The following KANK3 variants were observed in gnomAD, a reference collection of about 807,000 sequenced individuals.
KANK3 encodes KN motif and ankyrin repeat domain-containing protein 3.
A neutral mutation model predicts 65.4 loss-of-function variants in KANK3; 61 were observed. That is an observed-to-expected ratio of 0.93 (90% CI 0.76 to 1.15). The LOEUF is 1.15. Among genes scored for constraint, KANK3 ranks in the 50% most tolerant of loss-of-function variants. The probability of loss-of-function intolerance (pLI) is 0.00; values close to 1 mark genes in which losing one functional copy is unlikely to be tolerated. For synonymous variants in KANK3, 586 were observed against 543.3 expected (o/e 1.08, Z -1.09); for missense variants, 1,187 against 1,178.8 (o/e 1.01, Z -0.10).
At chr19:8,332,533 G>T (rs1970543927) in intron 7 of KANK3, among the ~76,000 whole-genome samples, 1 of 151,688 alleles carries the variant, frequency 6.6e-6, no homozygotes, top group African/African-American at 2.4e-5. Context: ...AACCCAAGGA[G>T]GTTGGCTGGG....
At chr19:8,328,860 T>TG (rs1568572201) in intron 7 of KANK3, among the ~76,000 whole-genome samples, 1 of 151,756 alleles carries the variant, frequency 6.6e-6, no homozygotes, top group East Asian at 1.9e-4. Context: ...GCAGGGATCA[T>TG]GGGGGAGGAT....
chr19:8,323,868 G>T (rs1215694805), intron 10 of KANK3, among the ~76,000 whole-genome samples: 1 of 152,218 alleles, frequency 6.6e-6, no homozygotes, highest in Non-Finnish European at 1.5e-5. Flanking sequence ...GTATAGTGGT[G>T]TTGGGGGTTA....
At chr19:8,326,507 G>T (rs1468183189) in intron 7 of KANK3, among the ~76,000 whole-genome samples, 1 of 125,230 alleles carries the variant, frequency 8.0e-6, no homozygotes, top group Non-Finnish European at 1.7e-5. Flanking sequence ...AAAAAAAAAA[G>T]CCAGGTGCAG....
chr19:8,333,775 G>A lies in KANK3; in HGVS notation c.1668C>T (p.Cys556=), dbSNP rs771280227. Residue 556 remains cysteine (C), a synonymous_variant, in exon 6 of 11, where the codon TGC becomes TGT. Transcript: ENST00000330915. This position sits in a 1 kb window ranked among gnomAD's most constrained non-coding sequence, Gnocchi z 5.0. ...CELSPRLREA[C]VALQRQLSRP... ...GGCTCAGCTGCCGCTGCAGCGCTAC[G>A]CACGCCTCCCTCAGACGCGGGCTCA... 7.9e-6 allele frequency: 12 copies of A among 1,511,856 alleles called. No individual in the cohort carries two copies. Among genetic ancestry groups the A allele is most frequent in the South Asian group, 5.0e-5 (4 of 80,804 alleles). The allele number at this position is 1,511,856 out of a possible 1,614,324, so 93.7% of individuals were successfully genotyped here.
At chr19:8,332,222 G>C (rs1970538360) in intron 7 of KANK3, among the ~76,000 whole-genome samples, 1 of 151,724 alleles carries the variant, frequency 6.6e-6, no homozygotes, top group African/African-American at 2.4e-5. Context: ...CTGTCGCCCA[G>C]GCTGGAGTGC....
rs766910824 is a variant in KANK3, at chr19:8,324,556, C to T, written c.2284-9G>A. Reference sequence around the variant, plus strand: ...AGGGCACTGGTGCCCTCCTGTGGAACGTTAGGGACAGTCAGATCCCTGAGC... The same window carrying T: ...AGGGCACTGGTGCCCTCCTGTGGAATGTTAGGGACAGTCAGATCCCTGAGC... On this transcript the variant is annotated splice_polypyrimidine_tract_variant and intron_variant, in intron 9 of 10. Transcript: ENST00000330915. 1.7e-5 allele frequency: 28 copies of T among 1,613,418 alleles called. No homozygotes were observed. The highest frequency in any genetic ancestry group is 6.6e-5 in the South Asian group (6 of 91,082).
chr19:8,333,371 G>C lies in KANK3; in HGVS notation c.1720-141C>G, dbSNP rs2052400189. On this transcript the variant is annotated intron_variant, in intron 6 of 10. Coordinates refer to ENST00000330915, the MANE Select transcript of KANK3 (RefSeq NM_198471.3). The surrounding 1 kb of genome is among the most constrained non-coding windows in gnomAD (Gnocchi z 5.0). The stretch of plus-strand genomic sequence containing the variant: ...AGGAAGGTCACTCCTCGTCCAGGTG[G>C]GGAGCCATGCGAACCCAGATGGAGG... The C allele has an allele frequency of 1.4e-6, 1 of 710,652 alleles. No individual in the cohort carries two copies. Among genetic ancestry groups the C allele is most frequent in the Non-Finnish European group, 2.3e-6 (1 of 436,254 alleles). 44.0% of individuals were successfully genotyped at this position (710,652 alleles called of 1,614,324 possible).
Position 8,334,812 on chromosome 19 carries a change from A to G in KANK3, c.1015T>C (p.Trp339Arg). The G allele has an allele frequency of 6.7e-7, 1 of 1,491,166 alleles. No individual in the cohort carries two copies. The highest frequency in any genetic ancestry group is 2.2e-5 in the Admixed American group (1 of 45,160). 92.4% of individuals were successfully genotyped at this position (1,491,166 alleles called of 1,614,324 possible). ...AAPETVEADAWVTEALLGLPA... is the reference protein window; with the variant it reads ...AAPETVEADARVTEALLGLPA... Reference sequence around the variant, plus strand: ...AGCCCCAGCAGCGCCTCGGTCACCCACGCGTCCGCCTCCACGGTCTCGGGG... The same window carrying G: ...AGCCCCAGCAGCGCCTCGGTCACCCGCGCGTCCGCCTCCACGGTCTCGGGG... Residue 339 changes from tryptophan (W) to arginine (R), a missense_variant, in exon 3 of 11, where the codon TGG becomes CGG. Trp to Arg is a moderately radical substitution (Grantham distance 101). This residue lies in a region of KANK3 where 1,078 missense variants were observed against 1,038.2 expected (regional missense o/e 1.04). Coordinates refer to ENST00000330915, the MANE Select transcript of KANK3 (RefSeq NM_198471.3).
At chr19:8,341,359 A>G (rs149033401) in intron 1 of KANK3, among the ~76,000 whole-genome samples, 143 of 151,606 alleles carry the variant, frequency 9.4e-4, no homozygotes, top group African/African-American at 3.3e-3. Flanking sequence ...CAAATAGCTG[A>G]GACTACAGGA....
intron 10 of KANK3, among the ~76,000 whole-genome samples, chr19:8,324,212 T>C: frequency 6.6e-6 from 1 of 152,040 alleles, no homozygotes; most frequent in Middle Eastern, 3.2e-3. Context: ...TCCCTTGAGC[T>C]CAGGAGTTTG....
chr19:8,332,966 C>T, intron 7 of KANK3, 48 bp downstream of exon 7: 7 of 1,107,586 alleles, frequency 6.3e-6, no homozygotes, highest in Admixed American at 4.3e-5. Flanking sequence ...CCTGCCCTCT[C>T]CCCCCACCCA....
chr19:8,340,222 A>AT (rs1413243541), intron 1 of KANK3, among the ~76,000 whole-genome samples: 17 of 133,662 alleles, frequency 1.3e-4, no homozygotes, highest in African/African-American at 4.9e-4. Flanking sequence ...AGATCATGCC[A>AT]CTGCACTCCA....
chr19:8,323,203 A>G (rs1970354854), intron 10 of KANK3: 1 of 261,170 alleles, frequency 3.8e-6, no homozygotes, highest in Admixed American at 5.3e-5. Context: ...TGTTTAATAC[A>G]CCTAATCTCC....
At chr19:8,326,154 A>G (rs66613574) in intron 7 of KANK3, among the ~76,000 whole-genome samples, 46,602 of 151,764 alleles carry the variant, frequency 0.31, 7,402 homozygotes, top group African/African-American at 0.34. Flanking sequence ...TTTGGTTGCC[A>G]GGACACTGGC....
chr19:8,335,314 AG>A lies in KANK3; in HGVS notation c.512del (p.Pro171LeufsTer170), dbSNP rs1970615802. ...GGCCGGGCGAAGCAGGGGCAAGGTT[AG>A]GGGCGGGGCTGCTGCGGCCGGACCC... ...PRGSGRSSPA[P>X]NLAPASPGPA... On this transcript the variant is annotated frameshift_variant, in exon 3 of 11. Coordinates refer to ENST00000330915, the MANE Select transcript of KANK3 (RefSeq NM_198471.3). LOFTEE classifies it high-confidence loss of function. 4.3e-5 allele frequency: 51 copies of A among 1,198,556 alleles called. No individual in the cohort carries two copies. The highest frequency in any genetic ancestry group is 4.9e-5 in the Non-Finnish European group (47 of 966,740). The allele number at this position is 1,198,556 out of a possible 1,614,324, so 74.2% of individuals were successfully genotyped here. A position where few individuals can be genotyped will look rare whatever the true frequency, so the allele number is the denominator to read the frequency against.
chr19:8,338,860 C>G, intron 1 of KANK3, among the ~76,000 whole-genome samples: 1 of 112,464 alleles, frequency 8.9e-6, no homozygotes, highest in Non-Finnish European at 1.6e-5. Flanking sequence ...GGCAACAGAG[C>G]GAGATTCCGT....
chr19:8,331,755 G>A (rs1970529081), intron 7 of KANK3, among the ~76,000 whole-genome samples: 1 of 152,076 alleles, frequency 6.6e-6, no homozygotes, highest in South Asian at 2.1e-4. Flanking sequence ...TGCTCCAGCT[G>A]GAGATTCAGG....
intron 8 of KANK3, 48 bp downstream of exon 8, chr19:8,324,903 A>G: frequency 6.2e-7 from 1 of 1,604,050 alleles, no homozygotes; most frequent in African/African-American, 1.3e-5. Context: ...TGACTCCCAA[A>G]GTGGAAGTGA....
rs576440651 is a variant in KANK3 at position 8,333,112 on chromosome 19, G to T, written c.1838C>A (p.Ala613Glu). 5 of 1,613,036 alleles carry T rather than the reference G, an allele frequency of 3.1e-6. No individual in the cohort carries two copies. Among genetic ancestry groups the T allele is most frequent in the Non-Finnish European group, 3.4e-6 (4 of 1,179,894 alleles). Residue 613 changes from alanine to glutamate, a missense_variant, in exon 7 of 11, where the codon GCG becomes GAG. Physicochemically the swap from Ala to Glu is moderately radical, Grantham distance 107. Around this residue, in one of 3 missense-constraint regions of KANK3, gnomAD observed 1,078 missense variants for 1,038.2 expected, o/e 1.04. Transcript: ENST00000330915. This position sits in a 1 kb window ranked among gnomAD's most constrained non-coding sequence, Gnocchi z 5.0. ...GCCATCCGCCAGGTTCACCACGTGC[G>T]CCAGCAGTTCGGGTCCCAGGCGCCT... is the stretch of plus-strand genomic sequence containing the variant. Reference protein sequence around the residue: ...GVRRLGPELLAHVVNLADGNG... With the variant: ...GVRRLGPELLEHVVNLADGNG...
Sources: gnomAD v4.1 joint callset for allele counts (sites outside exome capture counted in the v4.1 genomes callset) on GRCh38, gnomAD v4.1.1 for gene constraint, gnomAD v4.1.1 regional missense constraint, Gnocchi (gnomAD v3.1) non-coding constraint, MANE v1.5 for transcripts, NCBI Gene and HGNC (gene_info 2026-07-23, HGNC 2026-07-21) for gene names.